Variants in VMP1 observed in about 807,000 individuals in gnomAD.
VMP1 encodes vacuole membrane protein 1, also known as ectopic P-granules autophagy protein 3 homolog.
VMP1 carries 11 observed loss-of-function variants against 56.0 expected under a neutral mutation model. The observed-to-expected ratio is 0.20, with a 90% CI of 0.12 to 0.32. VMP1 has a LOEUF of 0.32. VMP1 is among the 10% of genes least tolerant of loss of function. The pLI is 1.00. For synonymous variants in VMP1, 149 were observed against 165.0 expected (o/e 0.90, Z 0.74); for missense variants, 296 against 490.3 (o/e 0.60, Z 3.74).
chr17:59,841,862 G>C lies in VMP1; in HGVS notation c.*1951G>C, dbSNP rs2039167025. ...TTCATTGGCAAATAATTTCAGTGTG[G>C]TGTATTATTAAATAGAAAAAAAAAA... On this transcript the variant is annotated 3_prime_UTR_variant, in exon 12 of 12. Coordinates refer to ENST00000262291, the MANE Select transcript of VMP1 (RefSeq NM_030938.5). The C allele has an allele frequency of 2.0e-5, 3 of 152,042 alleles. No individual in the cohort carries two copies. The highest frequency in any genetic ancestry group is 7.2e-5 in the African/African-American group (3 of 41,402). 9.4% of individuals were successfully genotyped at this position (152,042 alleles called of 1,614,324 possible).
At chr17:59,720,928 G>A (rs771734027) in intron 1 of VMP1, among the ~76,000 whole-genome samples, 8 of 151,900 alleles carry the variant, frequency 5.3e-5, no homozygotes, top group Admixed American at 6.6e-5. Flanking sequence ...AGCCGAGATT[G>A]TGCCATTGCA....
chr17:59,732,746 C>T (rs2034879807), intron 2 of VMP1, among the ~76,000 whole-genome samples: 1 of 152,176 alleles, frequency 6.6e-6, no homozygotes, highest in Non-Finnish European at 1.5e-5. Context: ...AGAGCACATA[C>T]ATTTGTATAT....
intron 1 of VMP1, among the ~76,000 whole-genome samples, chr17:59,721,890 T>C (rs910946406): frequency 2.6e-5 from 4 of 152,160 alleles, no homozygotes; most frequent in African/African-American, 9.7e-5. Flanking sequence ...TCTCCCAGTT[T>C]TGTAGGCTGC....
rs554573359 is a variant in VMP1, at chr17:59,807,290, C to A, written c.715-1506C>A. On this transcript the variant is annotated intron_variant, in intron 7 of 11. Transcript: ENST00000262291. ...TCAGCTCACTGCAAACTCTGCCTCCCGGGTTTGCACCATTCTCCTGCCTCA... is the reference window on the plus strand; with the variant it reads ...TCAGCTCACTGCAAACTCTGCCTCCAGGGTTTGCACCATTCTCCTGCCTCA... 1.4e-3 allele frequency among the ~76,000 whole-genome samples: 214 copies of A among 151,638 alleles called. 1 individual carries two copies. The highest frequency in any genetic ancestry group is 5.1e-3 in the African/African-American group (212 of 41,380).
intron 1 of VMP1, among the ~76,000 whole-genome samples, chr17:59,709,006 C>T (rs902600189): frequency 6.6e-6 from 1 of 152,128 alleles, no homozygotes; most frequent in Non-Finnish European, 1.5e-5. Flanking sequence ...TTGATTAATA[C>T]AGTTTAATTT....
chr17:59,816,326 A>G (rs2038229589), intron 9 of VMP1, among the ~76,000 whole-genome samples: 1 of 152,250 alleles, frequency 6.6e-6, no homozygotes, highest in Non-Finnish European at 1.5e-5. Context: ...TTATAGCTCT[A>G]AATAACTGGT....
intron 10 of VMP1, among the ~76,000 whole-genome samples, chr17:59,821,998 A>G (rs767678298): frequency 9.9e-5 from 15 of 151,864 alleles, no homozygotes; most frequent in Non-Finnish European, 2.2e-4. Context: ...GTGCACCACC[A>G]TGCCTGGCTA....
intron 3 of VMP1, 96 bp from the exon 4 acceptor site, chr17:59,737,357 T>C: frequency 8.2e-7 from 1 of 1,212,182 alleles, no homozygotes; most frequent in South Asian, 1.5e-5. Context: ...CCAGCTGAGC[T>C]AGGTAACCTA....
chr17:59,822,012 T>G (rs1036836358), intron 10 of VMP1, among the ~76,000 whole-genome samples: 1 of 151,990 alleles, frequency 6.6e-6, no homozygotes, highest in African/African-American at 2.4e-5. Flanking sequence ...CTGGCTAATT[T>G]TTATATTTTT....
chr17:59,724,823 G>A (rs575108360), intron 1 of VMP1, among the ~76,000 whole-genome samples: 237 of 151,570 alleles, frequency 1.6e-3, no homozygotes, highest in African/African-American at 5.5e-3. Flanking sequence ...AAAATTAGCC[G>A]GGCCTGGTGG....
At position 59,738,826 on chromosome 17, in the gene VMP1, CT is replaced by C. The variant is rs1305916664; in HGVS notation, c.304-4del. On this transcript the variant is annotated splice_polypyrimidine_tract_variant and intron_variant, in intron 4 of 11. Transcript: ENST00000262291. ...AGAATTCACGGTTTTCACCTCATCC[CT>C]TTTTTTCAGTATGTGCAACGTATAG... 5.0e-6 allele frequency: 8 copies of C among 1,596,056 alleles called. No homozygotes were observed. The highest frequency in any genetic ancestry group is 4.3e-6 in the Non-Finnish European group (5 of 1,165,976).
intron 6 of VMP1, among the ~76,000 whole-genome samples, chr17:59,768,649 T>A (rs146758982): frequency 2.6e-5 from 4 of 151,688 alleles, no homozygotes; most frequent in Admixed American, 2.0e-4. Context: ...AATATCCACA[T>A]GCAAAAGAAT....
At chr17:59,735,744 C>T (rs563290349) in intron 3 of VMP1, 62 of 318,546 alleles carry the variant, frequency 1.9e-4, no homozygotes, top group African/African-American at 1.1e-3. Context: ...CTGAAAAATA[C>T]GATTTTTATT....
At chr17:59,781,166 T>C (rs1454024657) in intron 7 of VMP1, among the ~76,000 whole-genome samples, 1 of 152,190 alleles carries the variant, frequency 6.6e-6, no homozygotes, top group Non-Finnish European at 1.5e-5. Context: ...AAAGGAGAGT[T>C]TCTTGCTATG....
intron 7 of VMP1, among the ~76,000 whole-genome samples, chr17:59,779,207 G>A (rs1482985267): frequency 6.6e-6 from 1 of 152,220 alleles, no homozygotes; most frequent in Non-Finnish European, 1.5e-5. Context: ...GGGGAAGAGT[G>A]GTTAGAGATC....
chr17:59,772,075 C>G (rs2036447112), intron 6 of VMP1, among the ~76,000 whole-genome samples: 1 of 151,656 alleles, frequency 6.6e-6, no homozygotes. Context: ...GCTGCAACCT[C>G]TACCTCCCAG....
In VMP1 at chr17:59,812,659, G is replaced by A. The variant is rs531941794; in HGVS notation, c.912+873G>A. On this transcript the variant is annotated intron_variant, in intron 9 of 11. Coordinates refer to ENST00000262291, the MANE Select transcript of VMP1 (RefSeq NM_030938.5). ...AAAAGAAAGGAAAGAACAACCAAGC[G>A]TGGTGGCTCACGCCTGTAATCCCAG... 2.9e-4 allele frequency among the ~76,000 whole-genome samples: 44 copies of A among 152,312 alleles called. No individual in the cohort carries two copies. The South Asian group carries it at 7.0e-3, about 24-fold the overall frequency.
At chr17:59,740,780 T>A (rs1316421877) in intron 5 of VMP1, among the ~76,000 whole-genome samples, 1 of 152,222 alleles carries the variant, frequency 6.6e-6, no homozygotes, top group East Asian at 1.9e-4. Context: ...GGTTACAGGA[T>A]ACTTTTCTGT....
At chr17:59,765,913 T>G (rs962023512) in intron 6 of VMP1, among the ~76,000 whole-genome samples, 3 of 151,556 alleles carry the variant, frequency 2.0e-5, no homozygotes, top group Non-Finnish European at 4.4e-5. Flanking sequence ...TATCTAAGAG[T>G]TATATAAAAT....
Sources: gnomAD v4.1 joint callset for allele counts (sites outside exome capture counted in the v4.1 genomes callset) on GRCh38, gnomAD v4.1.1 for gene constraint, MANE v1.5 for transcripts, NCBI Gene and HGNC (gene_info 2026-07-23, HGNC 2026-07-21) for gene names.